Variants in KIF6 observed in about 807,000 individuals in gnomAD.
KIF6 encodes the protein kinesin-like protein KIF6.
A neutral mutation model predicts 112.7 loss-of-function variants in KIF6; 106 were observed. The observed-to-expected ratio is 0.94, with a 90% CI of 0.80 to 1.11. The LOEUF (loss-of-function observed/expected upper bound fraction) is 1.11, where lower values mean the gene tolerates loss of function less well. KIF6 is among the 50% of genes least tolerant of loss of function. The probability of loss-of-function intolerance (pLI) is 0.00; values close to 1 mark genes in which losing one functional copy is unlikely to be tolerated. For missense variants in KIF6, 929 were observed against 964.0 expected, an observed-to-expected ratio of 0.96 and a Z score of 0.48; for synonymous variants, 339 against 339.9, an observed-to-expected ratio of 1.00 and a Z score of 0.03.
intron 5 of KIF6, among the ~76,000 whole-genome samples, chr6:39,619,763 A>G (rs1210902528): frequency 1.3e-5 from 2 of 152,200 alleles, no homozygotes; most frequent in Non-Finnish European, 2.9e-5. Flanking sequence ...CTCAGGGGTG[A>G]TTGCACTCAT....
chr6:39,618,919 G>A (rs533679831), intron 5 of KIF6, among the ~76,000 whole-genome samples: 6 of 152,114 alleles, frequency 3.9e-5, no homozygotes, highest in African/African-American at 1.4e-4. Context: ...GTTGATTTAT[G>A]ATTTTATAAT....
Position 39,431,144 on chromosome 6 carries a change from A to T in KIF6, c.1663T>A (p.Ser555Thr). 1 of 1,606,740 alleles carries T rather than the reference A, an allele frequency of 6.2e-7. No individual in the cohort carries two copies. Among genetic ancestry groups the T allele is most frequent in the Non-Finnish European group, 8.5e-7 (1 of 1,173,392 alleles). Residue 555 changes from serine to threonine, a missense_variant, in exon 14 of 23, where the codon TCA (serine) becomes ACA (threonine). Physicochemically the swap from Ser to Thr is moderately conservative, Grantham distance 58. This residue lies in a region of KIF6 where 688 missense variants were observed against 662.7 expected (regional missense o/e 1.04). Transcript: ENST00000287152. ...TCAAAAGCCTCCTGGCATCCTAATG[A>T]CATTTCCTCTCTCATTCCTGTTTGG... Reference protein sequence around the residue: ...HKKIGMREEMSLGCQEAFEIF... With the variant: ...HKKIGMREEMTLGCQEAFEIF...
chr6:39,361,682 G>A (rs1765157406), intron 17 of KIF6, among the ~76,000 whole-genome samples: 1 of 152,042 alleles, frequency 6.6e-6, no homozygotes, highest in Non-Finnish European at 1.5e-5. Flanking sequence ...AGCAGCGTGT[G>A]TGCTCAGGTA....
chr6:39,440,509 C>T (rs926952372), intron 13 of KIF6, among the ~76,000 whole-genome samples: 9 of 152,098 alleles, frequency 5.9e-5, no homozygotes, highest in African/African-American at 1.4e-4. Context: ...ACAAAAATAT[C>T]GTCACCTAAA....
chr6:39,708,223 T>G (rs997028530), intron 3 of KIF6, among the ~76,000 whole-genome samples: 1 of 151,944 alleles, frequency 6.6e-6, no homozygotes, highest in African/African-American at 2.4e-5. Flanking sequence ...CATGAGAAAA[T>G]CCCCTGCATC....
chr6:39,550,510 A>T (rs1397108882), intron 10 of KIF6, among the ~76,000 whole-genome samples: 1 of 152,176 alleles, frequency 6.6e-6, no homozygotes, highest in Non-Finnish European at 1.5e-5. Flanking sequence ...GATGCAAAGC[A>T]ATGGGACTGC....
At chr6:39,444,093 A>G (rs911186184) in intron 13 of KIF6, among the ~76,000 whole-genome samples, 1 of 152,208 alleles carries the variant, frequency 6.6e-6, no homozygotes, top group Non-Finnish European at 1.5e-5. Context: ...TAATTCTTAC[A>G]ATAACCGAGT....
intron 13 of KIF6, among the ~76,000 whole-genome samples, chr6:39,470,540 A>C (rs1257058381): frequency 6.6e-6 from 1 of 152,182 alleles, no homozygotes; most frequent in Non-Finnish European, 1.5e-5. Context: ...TGTGAAACCC[A>C]GGAGGATGAT....
chr6:39,551,688 T>C (rs1250524981), intron 10 of KIF6, among the ~76,000 whole-genome samples: 3 of 152,134 alleles, frequency 2.0e-5, no homozygotes, highest in African/African-American at 7.2e-5. Flanking sequence ...TTGATAATTA[T>C]TAACTTAAAG....
At chr6:39,355,927 G>T (rs1764643492) in intron 19 of KIF6, among the ~76,000 whole-genome samples, 1 of 151,926 alleles carries the variant, frequency 6.6e-6, no homozygotes, top group African/African-American at 2.4e-5. Flanking sequence ...TCACTGAACC[G>T]ATATTGATAC....
intron 6 of KIF6, among the ~76,000 whole-genome samples, chr6:39,603,136 A>G (rs770249751): frequency 7.2e-5 from 11 of 152,132 alleles, no homozygotes; most frequent in African/African-American, 1.4e-4. Flanking sequence ...GCTACAAGTG[A>G]GTGTTTGGCG....
At chr6:39,583,720 A>T (rs1781438948) in intron 9 of KIF6, among the ~76,000 whole-genome samples, 1 of 98,406 alleles carries the variant, frequency 1.0e-5, no homozygotes. Flanking sequence ...TACAGTGCAG[A>T]TTACTAAGCC....
At chr6:39,473,661 AG>A (rs1774263798) in intron 13 of KIF6, among the ~76,000 whole-genome samples, 1 of 152,176 alleles carries the variant, frequency 6.6e-6, no homozygotes, top group Non-Finnish European at 1.5e-5. Context: ...TTTTGGAGGC[AG>A]GGGGCTGTTT....
chr6:39,720,899 A>C (rs990252821), intron 1 of KIF6, 88 bp from the exon 2 acceptor site: 4 of 660,942 alleles, frequency 6.1e-6, no homozygotes, highest in African/African-American at 1.8e-5. Flanking sequence ...TAATGATATG[A>C]AAATTATACT....
intron 16 of KIF6, among the ~76,000 whole-genome samples, chr6:39,381,779 T>C (rs114114618): frequency 0.012 from 1,823 of 152,328 alleles, 33 homozygotes; most frequent in African/African-American, 0.041. Flanking sequence ...ATTGGGATAG[T>C]ATGCTTTTAA....
chr6:39,636,301 C>T (rs530815589), intron 4 of KIF6, among the ~76,000 whole-genome samples: 1 of 152,102 alleles, frequency 6.6e-6, no homozygotes, highest in East Asian at 1.9e-4. Flanking sequence ...AACTCTCAGC[C>T]TTCCATGACT....
At chr6:39,386,515 A>C (rs771694719) in intron 15 of KIF6, among the ~76,000 whole-genome samples, 1 of 152,186 alleles carries the variant, frequency 6.6e-6, no homozygotes, top group African/African-American at 2.4e-5. Context: ...GCAGAAATCA[A>C]GTCTAATGAA....
At chr6:39,489,263 A>C (rs1749579436) in intron 13 of KIF6, among the ~76,000 whole-genome samples, 1 of 152,156 alleles carries the variant, frequency 6.6e-6, no homozygotes, top group African/African-American at 2.4e-5. Context: ...TTTTAAAGGA[A>C]GGCTGTTAAC....
intron 13 of KIF6, among the ~76,000 whole-genome samples, chr6:39,433,983 G>A (rs746461147): frequency 2.8e-4 from 43 of 152,128 alleles, no homozygotes; most frequent in Non-Finnish European, 6.2e-4. Flanking sequence ...TTTATTTACT[G>A]AAGAAATCAC....
Sources: allele counts gnomAD v4.1 joint callset (sites outside exome capture counted in the v4.1 genomes callset), GRCh38; gene constraint gnomAD v4.1.1; regional missense constraint gnomAD v4.1.1; transcripts MANE v1.5; gene names NCBI Gene and HGNC (gene_info 2026-07-23, HGNC 2026-07-21).